NXPH1: variants seen among roughly 807,000 people sequenced by gnomAD.
NXPH1 encodes neurexophilin 1, also known as neurexophilin-1.
A neutral mutation model predicts 23.7 loss-of-function variants in NXPH1; 5 were observed. That is an observed-to-expected ratio of 0.21 (90% CI 0.11 to 0.44). The LOEUF is 0.44. NXPH1 is among the 20% of genes least tolerant of loss of function. The pLI is 0.99. For missense variants in NXPH1, 324 were observed against 321.6 expected (o/e 1.01, Z -0.06); for synonymous variants, 144 against 122.2 (o/e 1.18, Z -1.18).
chr7:8,626,438 T>A (rs1819990586), intron 2 of NXPH1, among the ~76,000 whole-genome samples: 1 of 151,942 alleles, frequency 6.6e-6, no homozygotes, highest in Non-Finnish European at 1.5e-5. Flanking sequence ...GATCTAACTT[T>A]CTGCTGAGGG....
chr7:8,467,466 A>C (rs1161875174), intron 2 of NXPH1, among the ~76,000 whole-genome samples: 1 of 152,164 alleles, frequency 6.6e-6, no homozygotes, highest in African/African-American at 2.4e-5. Context: ...TTAGGACACT[A>C]ATTTCCTGAG....
intron 2 of NXPH1, among the ~76,000 whole-genome samples, chr7:8,505,707 C>T (rs1563330351): frequency 6.6e-6 from 1 of 152,080 alleles, no homozygotes. Flanking sequence ...TTTGCATACA[C>T]TGAACATTCA....
At chr7:8,512,573 C>T (rs17332867) in intron 2 of NXPH1, among the ~76,000 whole-genome samples, 9,975 of 152,012 alleles carry the variant, frequency 0.066, 451 homozygotes, top group Middle Eastern at 0.14. Context: ...ATCATAGTGC[C>T]CAGTCTAGTA....
intron 2 of NXPH1, among the ~76,000 whole-genome samples, chr7:8,663,366 G>A (rs1456661883): frequency 6.6e-6 from 1 of 151,930 alleles, no homozygotes; most frequent in African/African-American, 2.4e-5. Flanking sequence ...ATCCTTTCTG[G>A]TCTCACGATC....
intron 2 of NXPH1, among the ~76,000 whole-genome samples, chr7:8,677,802 G>A (rs1820975521): frequency 2.1e-5 from 3 of 142,966 alleles, no homozygotes; most frequent in Middle Eastern, 7.9e-3. Flanking sequence ...GCATTTTACA[G>A]GTTATAAATT....
intron 2 of NXPH1, among the ~76,000 whole-genome samples, chr7:8,458,398 A>T (rs1816636341): frequency 6.6e-6 from 1 of 152,212 alleles, no homozygotes. Context: ...TCTAATACAG[A>T]TTCCTAATAT....
chr7:8,614,966 TTC>T (rs1484158688), intron 2 of NXPH1, among the ~76,000 whole-genome samples: 1 of 152,064 alleles, frequency 6.6e-6, no homozygotes, highest in African/African-American at 2.4e-5. Context: ...AGATTAAAGA[TTC>T]TGTTTTGTAT....
intron 2 of NXPH1, among the ~76,000 whole-genome samples, chr7:8,561,947 T>C (rs1055682436): frequency 2.0e-5 from 3 of 151,870 alleles, no homozygotes; most frequent in South Asian, 4.1e-4. Flanking sequence ...GATATACATA[T>C]ACATAGTGAA....
chr7:8,696,241 C>A (rs112514701), intron 2 of NXPH1, among the ~76,000 whole-genome samples: 1 of 152,140 alleles, frequency 6.6e-6, no homozygotes, highest in African/African-American at 2.4e-5. Context: ...GAATTTTCTC[C>A]AGGAAATCCT....
At position 8,459,949 on chromosome 7, in the gene NXPH1, T is replaced by C. The variant is rs186886307; in HGVS notation, c.54+24182T>C. On this transcript the variant is annotated intron_variant, in intron 2 of 2. Coordinates refer to ENST00000405863, the MANE Select transcript of NXPH1 (RefSeq NM_152745.3). ...ATGGGTGCTTAGCCAAACTGAGCTA[T>C]GCTGTGACAACCCCAAAGGTTTAAT... Among the ~76,000 whole-genome samples, 655 of 152,310 alleles carry C rather than the reference T, an allele frequency of 4.3e-3. 1 individual carries two copies. The highest frequency in any genetic ancestry group is 0.014 in the African/African-American group (593 of 41,590).
intron 2 of NXPH1, among the ~76,000 whole-genome samples, chr7:8,599,361 G>A (rs1370541978): frequency 6.6e-6 from 1 of 152,064 alleles, no homozygotes; most frequent in East Asian, 1.9e-4. Flanking sequence ...TTTTGTTGTG[G>A]CTTTCAGAAT....
intron 2 of NXPH1, among the ~76,000 whole-genome samples, chr7:8,440,481 T>A (rs1278795904): frequency 6.6e-6 from 1 of 152,210 alleles, no homozygotes; most frequent in Non-Finnish European, 1.5e-5. Flanking sequence ...GGCTTTGAAT[T>A]GTTGACGGCT....
At chr7:8,462,893 G>T (rs1294909580) in intron 2 of NXPH1, among the ~76,000 whole-genome samples, 1 of 152,150 alleles carries the variant, frequency 6.6e-6, no homozygotes, top group East Asian at 1.9e-4. Flanking sequence ...TTGCTGGATT[G>T]AGAGGCTTAT....
chr7:8,484,046 T>TTG (rs1817118793), intron 2 of NXPH1, among the ~76,000 whole-genome samples: 2 of 151,270 alleles, frequency 1.3e-5, no homozygotes, highest in African/African-American at 4.9e-5. Context: ...AGCCATTTGC[T>TTG]TCAGTAAGCC....
intron 2 of NXPH1, among the ~76,000 whole-genome samples, chr7:8,448,022 C>A (rs1816435644): frequency 6.6e-6 from 1 of 152,148 alleles, no homozygotes; most frequent in African/African-American, 2.4e-5. Flanking sequence ...TTCAGTTATC[C>A]CAGGACCTCT....
At chr7:8,633,252 G>A (rs774300885) in intron 2 of NXPH1, among the ~76,000 whole-genome samples, 2 of 152,162 alleles carry the variant, frequency 1.3e-5, no homozygotes, top group Non-Finnish European at 2.9e-5. Context: ...CTAACATGGT[G>A]AAACACTGTG....
rs150145946 is a variant in NXPH1, at chr7:8,574,408, T to C, written c.54+138641T>C. ...GGACTCTGACTCGAACTGACTTTAT[T>C]TTATTTTCTCTCATCACATAGATGT... On this transcript the variant is annotated intron_variant, in intron 2 of 2. Coordinates refer to ENST00000405863, the MANE Select transcript of NXPH1 (RefSeq NM_152745.3). 2.1e-3 allele frequency among the ~76,000 whole-genome samples: 320 copies of C among 152,174 alleles called. 5 individuals are homozygous for C. Among genetic ancestry groups the C allele is most frequent in the African/African-American group, 7.2e-3 (299 of 41,530 alleles).
intron 2 of NXPH1, among the ~76,000 whole-genome samples, chr7:8,597,024 G>T (rs987611895): frequency 1.3e-5 from 2 of 151,988 alleles, no homozygotes; most frequent in African/African-American, 4.8e-5. Context: ...CCTTGGTAAA[G>T]CACTGAGGAT....
intron 2 of NXPH1, among the ~76,000 whole-genome samples, chr7:8,495,571 C>A (rs1344065107): frequency 6.6e-6 from 1 of 151,538 alleles, no homozygotes; most frequent in Non-Finnish European, 1.5e-5. Flanking sequence ...CATTTTTTTT[C>A]ATATTCTAAA....
Sources: allele counts gnomAD v4.1 joint callset (sites outside exome capture counted in the v4.1 genomes callset), GRCh38; gene constraint gnomAD v4.1.1; transcripts MANE v1.5; gene names NCBI Gene and HGNC (gene_info 2026-07-23, HGNC 2026-07-21).